NRXN1: variants seen among roughly 807,000 people sequenced by gnomAD.
NRXN1 encodes neurexin 1, also known as neurexin-1.
Under a neutral mutation model 150.9 loss-of-function variants are expected in NRXN1, and 39 were observed. The ratio of observed to expected loss-of-function variants is 0.26; its 90% CI spans 0.20 to 0.34. The LOEUF (loss-of-function observed/expected upper bound fraction) is 0.34. Ranked by LOEUF, NRXN1 falls within the 10% of genes least tolerant of loss-of-function variation. NRXN1 has a pLI of 1.00. For synonymous variants in NRXN1, 924 were observed against 757.0 expected (o/e 1.22, Z -3.62); for missense variants, 1,815 against 1,949.9 (o/e 0.93, Z 1.30).
At chr2:50,935,743 C>A in intron 2 of NRXN1, among the ~76,000 whole-genome samples, 1 of 149,842 alleles carries the variant, frequency 6.7e-6, no homozygotes, top group South Asian at 2.1e-4. Flanking sequence ...AAAAGTAACC[C>A]GAATATGGAA....
At chr2:50,187,314 A>G (rs902037587) in intron 18 of NRXN1, among the ~76,000 whole-genome samples, 4 of 152,084 alleles carry the variant, frequency 2.6e-5, no homozygotes, top group African/African-American at 9.7e-5. Context: ...ACCAAGGTAA[A>G]AAGGTGGATA....
chr2:50,918,974 C>A (rs892608184), intron 5 of NRXN1: 1 of 153,244 alleles, frequency 6.5e-6, no homozygotes, highest in Non-Finnish European at 1.4e-5. Context: ...AAAGTTTATT[C>A]TTAACCATAT....
At chr2:50,921,831 T>A (rs765775999) in intron 5 of NRXN1, 38 bp downstream of exon 5, 1 of 1,081,358 alleles carries the variant, frequency 9.2e-7, no homozygotes, top group African/African-American at 1.6e-5. Flanking sequence ...CTGTAATTCA[T>A]ACAGATGATA....
intron 18 of NRXN1, among the ~76,000 whole-genome samples, chr2:50,183,411 G>A (rs542691774): frequency 2.0e-5 from 3 of 152,006 alleles, no homozygotes; most frequent in Middle Eastern, 3.4e-3. Context: ...GTTTCTGAAT[G>A]TTGGAGATTT....
In NRXN1 at chr2:50,471,094, T is replaced by C. The variant is rs2089411627; in HGVS notation, c.3244+1204A>G. ...TATTGGATATAGATTTACTTATTTT[T>C]ATTTTACTTTTTTTTTAATTTCAGT... On this transcript the variant is annotated intron_variant, in intron 16 of 22. Coordinates refer to ENST00000401669, the MANE Select transcript of NRXN1 (RefSeq NM_001330078.2). Among the ~76,000 whole-genome samples the C allele has an allele frequency of 2.0e-5, 3 of 151,880 alleles. No homozygotes were observed. In the South Asian group the frequency reaches 6.2e-4, roughly 31 times the overall value.
intron 21 of NRXN1, among the ~76,000 whole-genome samples, chr2:50,024,413 C>A (rs1320230476): frequency 6.6e-6 from 1 of 152,074 alleles, no homozygotes; most frequent in Non-Finnish European, 1.5e-5. Flanking sequence ...TGGTCTTATG[C>A]CCTACTTTTC....
intron 21 of NRXN1, among the ~76,000 whole-genome samples, chr2:49,986,535 A>T (rs867908016): frequency 3.3e-5 from 5 of 152,310 alleles, no homozygotes; most frequent in South Asian, 2.1e-4. Flanking sequence ...CATGTCATGT[A>T]GTCTTTAAAA....
Position 50,612,916 on chromosome 2 carries a change from G to C in NRXN1, c.1320+7106C>G, listed in dbSNP as rs6707712. Among the ~76,000 whole-genome samples the C allele has an allele frequency of 2.3e-3, 346 of 152,284 alleles. 1 individual carries two copies. Among genetic ancestry groups the C allele is most frequent in the African/African-American group, 7.9e-3 (327 of 41,558 alleles). ...CAGTCTACTATTCTACACATGAAAG[G>C]AGGCAAGGGTAATCGACCTCTGCAT... On this transcript the variant is annotated intron_variant, in intron 8 of 22. Coordinates refer to ENST00000401669, the MANE Select transcript of NRXN1 (RefSeq NM_001330078.2).
intron 5 of NRXN1, among the ~76,000 whole-genome samples, chr2:50,833,218 C>T (rs1002314237): frequency 4.4e-4 from 67 of 152,196 alleles, no homozygotes; most frequent in African/African-American, 1.6e-3. Flanking sequence ...AGAACTCTAA[C>T]ACATTGCTGG....
chr2:50,477,543 A>G (rs2090089850), intron 15 of NRXN1, among the ~76,000 whole-genome samples: 2 of 152,210 alleles, frequency 1.3e-5, no homozygotes, highest in Non-Finnish European at 1.5e-5. Flanking sequence ...TAAGGCAATT[A>G]GAGTAAAGAC....
At chr2:50,181,326 A>C (rs568413786) in intron 18 of NRXN1, among the ~76,000 whole-genome samples, 1 of 151,582 alleles carries the variant, frequency 6.6e-6, no homozygotes, top group Non-Finnish European at 1.5e-5. Flanking sequence ...AAAAAAAAAT[A>C]CCCTGTTTAT....
chr2:50,656,170 C>T (rs930890903), intron 5 of NRXN1, among the ~76,000 whole-genome samples: 1 of 151,876 alleles, frequency 6.6e-6, no homozygotes, highest in African/African-American at 2.4e-5. Context: ...CTTACCCCAC[C>T]TCTCATACAC....
chr2:50,260,190 T>A (rs1180313819), intron 17 of NRXN1, among the ~76,000 whole-genome samples: 1 of 151,840 alleles, frequency 6.6e-6, no homozygotes, highest in African/African-American at 2.4e-5. Flanking sequence ...AACATAGTGG[T>A]CATGGGTACT....
intron 9 of NRXN1, chr2:50,547,661 G>C (rs983898929): frequency 6.6e-6 from 1 of 152,204 alleles, no homozygotes; most frequent in African/African-American, 2.4e-5. Context: ...TGCCCTGTTA[G>C]TAGCTAAGTT....
chr2:50,398,110 T>C lies in NRXN1; in HGVS notation c.3364+67332A>G, dbSNP rs542489947. Among the ~76,000 whole-genome samples, 8 of 152,288 alleles carry C rather than the reference T, an allele frequency of 5.3e-5. No homozygotes were observed. The South Asian group carries it at 1.0e-3, about 20-fold the overall frequency. On this transcript the variant is annotated intron_variant, in intron 17 of 22. Transcript: ENST00000401669. ...AGAGGCTGTGACATTTTCAGGATCATAGATTCTTTGGCTGTTTTTCCCCTT... is the reference window on the plus strand; with the variant it reads ...AGAGGCTGTGACATTTTCAGGATCACAGATTCTTTGGCTGTTTTTCCCCTT...
intron 17 of NRXN1, among the ~76,000 whole-genome samples, chr2:50,295,699 C>T (rs1000841025): frequency 2.6e-5 from 4 of 152,106 alleles, no homozygotes; most frequent in Non-Finnish European, 5.9e-5. Flanking sequence ...AGACTGATTT[C>T]TAAGGCAATC....
chr2:50,606,625 A>G (rs999585139), intron 8 of NRXN1, among the ~76,000 whole-genome samples: 1 of 150,696 alleles, frequency 6.6e-6, no homozygotes, highest in Non-Finnish European at 1.5e-5. Context: ...TAATAATAAT[A>G]ATAATAAAAT....
intron 8 of NRXN1, among the ~76,000 whole-genome samples, chr2:50,558,469 T>C (rs1668564865): frequency 6.6e-6 from 1 of 152,198 alleles, no homozygotes; most frequent in South Asian, 2.1e-4. Flanking sequence ...TACCAGTATT[T>C]TTCCTTCATT....
intron 17 of NRXN1, among the ~76,000 whole-genome samples, chr2:50,368,289 A>G (rs1659792057): frequency 6.6e-6 from 1 of 151,938 alleles, no homozygotes; most frequent in Non-Finnish European, 1.5e-5. Flanking sequence ...GAGACTCCCA[A>G]ATTCTTTAGA....
Sources: gnomAD v4.1 joint callset for allele counts (sites outside exome capture counted in the v4.1 genomes callset) on GRCh38, gnomAD v4.1.1 for gene constraint, MANE v1.5 for transcripts, NCBI Gene and HGNC (gene_info 2026-07-23, HGNC 2026-07-21) for gene names.